Variants in NAV1 observed in about 807,000 individuals in gnomAD.
NAV1 encodes the protein neuron navigator 1.
Under a neutral mutation model 175.2 loss-of-function variants are expected in NAV1, and 18 were observed. The ratio of observed to expected loss-of-function variants is 0.10; its 90% CI spans 0.07 to 0.15. The LOEUF is 0.15. Among genes scored for constraint, NAV1 ranks in the 10% least tolerant of loss-of-function variants. NAV1 has a pLI of 1.00. For missense variants in NAV1, 1,731 were observed against 2,436.6 expected, an observed-to-expected ratio of 0.71 and a Z score of 6.10; for synonymous variants, 897 against 978.7, an observed-to-expected ratio of 0.92 and a Z score of 1.56.
intron 1 of NAV1, among the ~76,000 whole-genome samples, chr1:201,655,263 C>T (rs1481957410): frequency 6.6e-6 from 1 of 151,598 alleles, no homozygotes; most frequent in Admixed American, 6.6e-5. Flanking sequence ...CTCCCCAAAG[C>T]CCAAAGCCCA....
chr1:201,805,965 G>C (rs986696470), intron 17 of NAV1, among the ~76,000 whole-genome samples: 10 of 149,912 alleles, frequency 6.7e-5, no homozygotes, highest in African/African-American at 2.2e-4. Context: ...AATTTGAGAA[G>C]TACTGCATTT....
chr1:201,700,797 G>T (rs1671384635), intron 1 of NAV1, among the ~76,000 whole-genome samples: 1 of 151,974 alleles, frequency 6.6e-6, no homozygotes, highest in Non-Finnish European at 1.5e-5. Flanking sequence ...GGATCACGAG[G>T]TCAGGAGATC....
intron 3 of NAV1, among the ~76,000 whole-genome samples, chr1:201,738,634 A>T (rs940131110): frequency 4.0e-5 from 6 of 151,620 alleles, no homozygotes; most frequent in African/African-American, 9.7e-5. Flanking sequence ...GAGGAGGAGG[A>T]GTTCAGGAGT....
chr1:201,616,321 C>T (rs627972), intron 2 of NAV1, among the ~76,000 whole-genome samples: 13,724 of 152,118 alleles, frequency 0.09, 810 homozygotes, highest in African/African-American at 0.17. Flanking sequence ...GGGGCACTGA[C>T]GGATAGACCC....
intron 2 of NAV1, among the ~76,000 whole-genome samples, chr1:201,591,724 C>A (rs1277458931): frequency 1.3e-5 from 2 of 152,194 alleles, no homozygotes; most frequent in African/African-American, 4.8e-5. Context: ...GCATCTCCCT[C>A]TCAAGAGCAT....
At chr1:201,598,542 G>A (rs945360922) in intron 2 of NAV1, among the ~76,000 whole-genome samples, 3 of 152,208 alleles carry the variant, frequency 2.0e-5, no homozygotes, top group African/African-American at 7.2e-5. Context: ...CTGAGTTAGG[G>A]TGGTAAGACC....
At chr1:201,781,223 C>T (rs745697402) in exon 5 of NAV1, 1 of 1,613,936 alleles carries the variant, frequency 6.2e-7, no homozygotes, top group African/African-American at 1.3e-5. Flanking sequence ...CTGGGCCACC[C>T]TGGTTCCCTG....
chr1:201,663,081 A>G (rs1326461112), intron 1 of NAV1, among the ~76,000 whole-genome samples: 1 of 152,164 alleles, frequency 6.6e-6, no homozygotes, highest in Admixed American at 6.5e-5. Context: ...ATGTGGCGGA[A>G]TAGGGATGCC....
chr1:201,615,086 G>T (rs901076760), intron 2 of NAV1, among the ~76,000 whole-genome samples: 4 of 152,170 alleles, frequency 2.6e-5, no homozygotes. Flanking sequence ...GATACATCAT[G>T]TTCAGGGGCA....
At chr1:201,626,626 G>A (rs1021086523) in intron 1 of NAV1, among the ~76,000 whole-genome samples, 1 of 152,182 alleles carries the variant, frequency 6.6e-6, no homozygotes, top group Non-Finnish European at 1.5e-5. Flanking sequence ...TCCTGGAAGA[G>A]AGCCACAGCA....
exon 1 of NAV1, chr1:201,649,315 C>T (rs1163646133): frequency 6.2e-7 from 1 of 1,612,562 alleles, no homozygotes; most frequent in Non-Finnish European, 8.5e-7. Flanking sequence ...AGCTCTGGGC[C>T]TGTCCCCTCT....
chr1:201,566,258 G>C lies in NAV1; in HGVS notation c.-143-22281G>C, dbSNP rs1055108229. Among the ~76,000 whole-genome samples, 13 of 152,160 alleles carry C rather than the reference G, an allele frequency of 8.5e-5. 2 individuals are homozygous for C. Among genetic ancestry groups the C allele is most frequent in the Admixed American group, 6.5e-4 (10 of 15,288 alleles). On this transcript the variant is annotated intron_variant, in intron 1 of 33. Transcript: ENST00000685211. ...ACTCCCCAGACCCCCATGAAATGCC[G>C]GCAGCTCCAGCCACACCCCAGCTCA...
intron 14 of NAV1, 134 bp from the exon 19 acceptor site, chr1:201,794,332 A>G: frequency 1.3e-6 from 1 of 771,706 alleles, no homozygotes; most frequent in East Asian, 2.6e-5. Context: ...TTGTATTTTT[A>G]ATGGAGACCA....
intron 1 of NAV1, among the ~76,000 whole-genome samples, chr1:201,691,792 C>T (rs746877717): frequency 7.9e-5 from 12 of 152,318 alleles, no homozygotes; most frequent in Middle Eastern, 6.8e-3. Context: ...ATCACAACTC[C>T]GTCCTGATAA....
At chr1:201,800,721 G>C (rs1677799693) in intron 15 of NAV1, among the ~76,000 whole-genome samples, 2 of 148,500 alleles carry the variant, frequency 1.3e-5, no homozygotes, top group Admixed American at 1.4e-4. Flanking sequence ...AATCTTGCCA[G>C]AAATAAATAT....
At chr1:201,702,673 T>TCC (rs764742335) in intron 1 of NAV1, among the ~76,000 whole-genome samples, 3,289 of 6,438 alleles carry the variant, frequency 0.51, 587 homozygotes, top group Non-Finnish European at 0.54. Context: ...GTATGTGAAT[T>TCC]CTCTCTCTCT....
chr1:201,697,772 C>T (rs1462518623), intron 1 of NAV1, among the ~76,000 whole-genome samples: 1 of 152,216 alleles, frequency 6.6e-6, no homozygotes, highest in African/African-American at 2.4e-5. Flanking sequence ...CATCCCATTC[C>T]CATCCCCAAA....
At chr1:201,572,850 G>C (rs953626876) in intron 1 of NAV1, among the ~76,000 whole-genome samples, 4 of 152,084 alleles carry the variant, frequency 2.6e-5, no homozygotes, top group Admixed American at 2.6e-4. Flanking sequence ...CCTGGGGTAG[G>C]GGGTGGTTTC....
intron 29 of NAV1, 37 bp downstream of exon 33, chr1:201,817,322 T>C (rs747005814): frequency 1.3e-6 from 2 of 1,589,322 alleles, no homozygotes; most frequent in Admixed American, 1.7e-5. Context: ...AATAAGACTA[T>C]TATAGAACTG....
Sources: allele counts gnomAD v4.1 joint callset (sites outside exome capture counted in the v4.1 genomes callset), GRCh38; gene constraint gnomAD v4.1.1; transcripts MANE v1.5; gene names NCBI Gene and HGNC (gene_info 2026-07-23, HGNC 2026-07-21).